CCDC88A: variants seen among roughly 807,000 people sequenced by gnomAD.
CCDC88A encodes the protein coiled-coil and HOOK domain protein 88A, also known as girdin.
In CCDC88A, 54 loss-of-function variants were observed where a neutral mutation model predicts 234.3. The observed-to-expected ratio is 0.23, with a 90% CI of 0.19 to 0.29. The LOEUF (loss-of-function observed/expected upper bound fraction) is 0.29, where lower values mean the gene tolerates loss of function less well. Ranked by LOEUF, CCDC88A falls within the 10% of genes least tolerant of loss-of-function variation. The pLI is 1.00. For synonymous variants in CCDC88A, 753 were observed against 737.8 expected (o/e 1.02, Z -0.33); for missense variants, 1,832 against 2,123.4 (o/e 0.86, Z 2.70).
At chr2:55,396,598 C>T (rs6756777) in intron 2 of CCDC88A, among the ~76,000 whole-genome samples, 46,186 of 151,932 alleles carry the variant, frequency 0.3, 7,433 homozygotes, top group East Asian at 0.54. Flanking sequence ...CACCTGGGTG[C>T]GGTGGCTCAC....
rs1685251648 is a variant in CCDC88A, at chr2:55,334,385, C to T, written c.2436G>A (p.Gln812=). 1.3e-6 allele frequency: 2 copies of T among 1,567,898 alleles called. No individual in the cohort carries two copies. The highest frequency in any genetic ancestry group is 4.2e-5 in the Admixed American group (2 of 47,628). Residue 812 remains glutamine (Q), a synonymous_variant, in exon 15 of 33, where the codon CAG becomes CAA. Coordinates refer to ENST00000436346, the MANE Select transcript of CCDC88A (RefSeq NM_001365480.1). This position sits in a 1 kb window ranked among gnomAD's most constrained non-coding sequence, Gnocchi z 6.1. ...CTAATGATTTATTTTCTTTTTCCAG[C>T]TGTTCTAGTCTTTTGCTAGATATTT... ...ELKISSKRLE[Q]LEKENKSLEQ...
chr2:55,402,158 T>C (rs1678810445), intron 2 of CCDC88A, among the ~76,000 whole-genome samples: 1 of 152,030 alleles, frequency 6.6e-6, no homozygotes, highest in Non-Finnish European at 1.5e-5. Context: ...TATATTAAAA[T>C]TTAAAATAAA....
intron 25 of CCDC88A, among the ~76,000 whole-genome samples, chr2:55,306,459 A>G (rs1558638196): frequency 6.6e-6 from 1 of 152,084 alleles, no homozygotes; most frequent in Non-Finnish European, 1.5e-5. Flanking sequence ...ACATATACAT[A>G]TATGTGTGTA....
Position 55,339,627 on chromosome 2 carries a change from T to G in CCDC88A, c.1355A>C (p.His452Pro). 1 of 1,608,420 alleles carries G rather than the reference T, an allele frequency of 6.2e-7. No individual in the cohort carries two copies. The highest frequency in any genetic ancestry group is 1.1e-5 in the South Asian group (1 of 89,414). Residue 452 changes from histidine to proline, a missense_variant, in exon 13 of 33, where the codon CAT becomes CCT. Coordinates refer to ENST00000436346, the MANE Select transcript of CCDC88A (RefSeq NM_001365480.1). ...ACTTGATGTCAACTCATTCACCTCA[T>G]GGCCCAGGGATTTCTGGGGTGCTAT... is the stretch of plus-strand genomic sequence containing the variant. Reference protein sequence around the residue: ...LSEAPQKSLGHEVNELTSSRL... With the variant: ...LSEAPQKSLGPEVNELTSSRL...
In CCDC88A at chr2:55,336,858, C is replaced by A. The variant is rs201608340; in HGVS notation, c.1519-40G>T. The A allele has an allele frequency of 1.1e-5, 14 of 1,300,036 alleles. No homozygotes were observed. The African/African-American group carries it at 1.8e-4, about 17-fold the overall frequency. The allele number at this position is 1,300,036 out of a possible 1,614,324, so 80.5% of individuals were successfully genotyped here. A position where few individuals can be genotyped will look rare whatever the true frequency, so the allele number is the denominator to read the frequency against. On this transcript the variant is annotated intron_variant, in intron 13 of 32. Transcript: ENST00000436346. ...ATCACAAAACAATACGTTAAATATT[C>A]TGTAACAGTGAAAACATGTCAAAAC...
rs563996568 is a variant in CCDC88A at position 55,382,654 on chromosome 2, C to T, written c.273+6124G>A. On this transcript the variant is annotated intron_variant, in intron 3 of 32. Coordinates refer to ENST00000436346, the MANE Select transcript of CCDC88A (RefSeq NM_001365480.1). ...AATTTTACATAACAGCTATAATTTA[C>T]TTTATTTTCTGACTTGAAAACTTTT... Among the ~76,000 whole-genome samples the T allele has an allele frequency of 1.9e-3, 282 of 152,136 alleles. 2 individuals are homozygous for T. The highest frequency in any genetic ancestry group is 6.6e-3 in the African/African-American group (273 of 41,518).
At chr2:55,368,532 C>T (rs985062327) in intron 5 of CCDC88A, among the ~76,000 whole-genome samples, 1 of 151,510 alleles carries the variant, frequency 6.6e-6, no homozygotes, top group African/African-American at 2.4e-5. Flanking sequence ...TTATGCTGCC[C>T]AGGTTGATCT....
chr2:55,398,629 T>G (rs777481819), intron 2 of CCDC88A, among the ~76,000 whole-genome samples: 2 of 152,110 alleles, frequency 1.3e-5, no homozygotes, highest in Non-Finnish European at 1.5e-5. Flanking sequence ...CCTAAGCTCC[T>G]GGGCTGGCAA....
intron 5 of CCDC88A, among the ~76,000 whole-genome samples, chr2:55,370,799 A>C (rs1055618906): frequency 2.0e-5 from 3 of 151,348 alleles, no homozygotes; most frequent in African/African-American, 4.9e-5. Flanking sequence ...CTTGAGGTCA[A>C]GAGTTTGAAA....
chr2:55,389,808 A>G (rs1363564247), intron 2 of CCDC88A, among the ~76,000 whole-genome samples: 1 of 152,030 alleles, frequency 6.6e-6, no homozygotes, highest in Non-Finnish European at 1.5e-5. Flanking sequence ...TGGGAGGCCC[A>G]GGCTGGTGGA....
At chr2:55,370,593 A>G (rs1403360691) in intron 5 of CCDC88A, among the ~76,000 whole-genome samples, 2 of 148,920 alleles carry the variant, frequency 1.3e-5, no homozygotes, top group Non-Finnish European at 3.0e-5. Context: ...GTGAGCCAAG[A>G]TAATACCATT....
chr2:55,302,221 A>G, intron 26 of CCDC88A, 149 bp from the exon 27 acceptor site: 2 of 644,574 alleles, frequency 3.1e-6, no homozygotes, highest in Non-Finnish European at 5.4e-6. Flanking sequence ...AAATTATGAC[A>G]TGCATTCAGC....
intron 2 of CCDC88A, among the ~76,000 whole-genome samples, chr2:55,410,841 C>A (rs1680354478): frequency 6.6e-6 from 1 of 151,270 alleles, no homozygotes. Context: ...TGCAGTGAAC[C>A]AAGATCTCGC....
At chr2:55,312,324 T>TA in intron 23 of CCDC88A, 110 bp downstream of exon 23, 1 of 931,830 alleles carries the variant, frequency 1.1e-6, no homozygotes, top group Non-Finnish European at 1.6e-6. Flanking sequence ...CACTCAAAAA[T>TA]ATTTGTTGAA....
chr2:55,307,024 T>C (rs1276525364), intron 25 of CCDC88A, among the ~76,000 whole-genome samples: 1 of 152,034 alleles, frequency 6.6e-6, no homozygotes, highest in Non-Finnish European at 1.5e-5. Context: ...AAGCAGCAGC[T>C]GCATTTACCT....
intron 31 of CCDC88A, chr2:55,294,082 AATAG>A (rs1357559672): frequency 5.1e-6 from 1 of 194,572 alleles, no homozygotes; most frequent in East Asian, 1.9e-4. Flanking sequence ...ATAATTTAAT[AATAG>A]ATTAATTATA....
chr2:55,380,584 T>A lies in CCDC88A; in HGVS notation c.274-5701A>T, dbSNP rs1674429625. On this transcript the variant is annotated intron_variant, in intron 3 of 32. Transcript: ENST00000436346. Reference sequence around the variant, plus strand: ...AGCTGGCTTTGTATAACTTTTTTCATTTAAAAATAGTATATTAACCATTTT... The same window carrying A: ...AGCTGGCTTTGTATAACTTTTTTCAATTAAAAATAGTATATTAACCATTTT... Among the ~76,000 whole-genome samples, 3 of 152,210 alleles carry A rather than the reference T, an allele frequency of 2.0e-5. No individual in the cohort carries two copies. The South Asian group carries it at 6.2e-4, about 31-fold the overall frequency.
rs181866734 is a variant in CCDC88A, at chr2:55,340,565, T to C, written c.1334-917A>G. ...AAATTCCATTAGTTGCCTAAGTCTT[T>C]TTTTTAATTAAAAGATTATTTAAAT... On this transcript the variant is annotated intron_variant, in intron 12 of 32. Coordinates refer to ENST00000436346, the MANE Select transcript of CCDC88A (RefSeq NM_001365480.1). Among the ~76,000 whole-genome samples the C allele has an allele frequency of 1.2e-4, 19 of 152,366 alleles. 1 individual carries two copies. The highest frequency in any genetic ancestry group is 3.1e-4 in the African/African-American group (13 of 41,596).
At chr2:55,355,404 C>T (rs1670436205) in intron 8 of CCDC88A, 175 bp downstream of exon 8, 1 of 589,636 alleles carries the variant, frequency 1.7e-6, no homozygotes, top group Non-Finnish European at 3.0e-6. Context: ...AAAAGGCATC[C>T]TTTAAACTGT....
Sources: allele counts gnomAD v4.1 joint callset (sites outside exome capture counted in the v4.1 genomes callset), GRCh38; gene constraint gnomAD v4.1.1; non-coding constraint Gnocchi (gnomAD v3.1); transcripts MANE v1.5; gene names NCBI Gene and HGNC (gene_info 2026-07-23, HGNC 2026-07-21).